The following DIS3L2 variants were observed in gnomAD, a reference collection of about 807,000 sequenced individuals.
The protein encoded by DIS3L2 is DIS3-like exonuclease 2.
DIS3L2 carries 34 observed loss-of-function variants against 97.5 expected under a neutral mutation model. The ratio of observed to expected loss-of-function variants is 0.35; its 90% confidence interval spans 0.27 to 0.46. DIS3L2 has a LOEUF of 0.46. Ranked by LOEUF, DIS3L2 falls within the 20% of genes least tolerant of loss-of-function variation. DIS3L2 has a pLI of 1.00. For synonymous variants in DIS3L2, 435 were observed against 445.2 expected (o/e 0.98, Z 0.29); for missense variants, 1,038 against 1,146.0 (o/e 0.91, Z 1.36).
chr2:232,000,649 T>TTTCCTTTCCTTTCCG (rs1228787277), intron 1 of DIS3L2, among the ~76,000 whole-genome samples: 1 of 143,164 alleles, frequency 7.0e-6, no homozygotes, highest in East Asian at 2.1e-4. Flanking sequence ...TTTCCTTTCC[T>TTTCCTTTCCTTTCCG]TTCCTTTCCT....
intron 5 of DIS3L2, among the ~76,000 whole-genome samples, chr2:232,052,638 T>G (rs1487064045): frequency 6.6e-6 from 1 of 152,230 alleles, no homozygotes; most frequent in Non-Finnish European, 1.5e-5. Context: ...GCTTACATTT[T>G]CTTTTTATAC....
At chr2:232,147,806 A>C (rs927001396) in intron 8 of DIS3L2, among the ~76,000 whole-genome samples, 7 of 152,232 alleles carry the variant, frequency 4.6e-5, no homozygotes, top group Admixed American at 2.0e-4. Context: ...TGCAAGACAA[A>C]TACACAATGT....
chr2:232,159,104 A>C (rs1690578861), intron 8 of DIS3L2, among the ~76,000 whole-genome samples: 1 of 152,200 alleles, frequency 6.6e-6, no homozygotes, highest in Non-Finnish European at 1.5e-5. Context: ...GGTTACAAGC[A>C]AGAAAAACCA....
chr2:232,144,541 G>A (rs1690161339), intron 8 of DIS3L2, among the ~76,000 whole-genome samples: 1 of 152,008 alleles, frequency 6.6e-6, no homozygotes, highest in Non-Finnish European at 1.5e-5. Flanking sequence ...GGAACAGAGA[G>A]TTCCTGTATA....
At chr2:232,198,260 T>A (rs946798390) in intron 9 of DIS3L2, among the ~76,000 whole-genome samples, 4 of 152,202 alleles carry the variant, frequency 2.6e-5, no homozygotes, top group Non-Finnish European at 5.9e-5. Flanking sequence ...GTGTTTTTAA[T>A]GAGAATAAGA....
chr2:232,057,374 A>G (rs1262135738), intron 5 of DIS3L2, among the ~76,000 whole-genome samples: 1 of 152,132 alleles, frequency 6.6e-6, no homozygotes, highest in Non-Finnish European at 1.5e-5. Flanking sequence ...TATCCTTCCT[A>G]TGAGCAAGTC....
rs116417869 is a variant in DIS3L2 at position 232,110,095 on chromosome 2, A to C, written c.602-20524A>C. Among the ~76,000 whole-genome samples the C allele has an allele frequency of 9.7e-3, 1,482 of 152,284 alleles. 12 individuals are homozygous for C. Among genetic ancestry groups the C allele is most frequent in the Non-Finnish European group, 0.015 (1,024 of 68,030 alleles). On this transcript the variant is annotated intron_variant, in intron 6 of 20. Transcript: ENST00000325385. Reference sequence around the variant, plus strand: ...GACATGCATGTGGCCAACATTTGTAAAAAAAAGCTCAACATCATTAATCAT... The same window carrying C: ...GACATGCATGTGGCCAACATTTGTACAAAAAAGCTCAACATCATTAATCAT...
chr2:232,275,951 A>G (rs1694129609), intron 13 of DIS3L2, among the ~76,000 whole-genome samples: 1 of 152,176 alleles, frequency 6.6e-6, no homozygotes, highest in Non-Finnish European at 1.5e-5. Context: ...GTCAGTTAGA[A>G]ATGTGGGAAC....
chr2:232,013,730 C>A (rs1007711677), intron 1 of DIS3L2, among the ~76,000 whole-genome samples: 1 of 152,124 alleles, frequency 6.6e-6, no homozygotes, highest in African/African-American at 2.4e-5. Flanking sequence ...TGTATTAAGC[C>A]CTCAGACAGT....
At chr2:232,038,462 C>T (rs541553992) in intron 5 of DIS3L2, among the ~76,000 whole-genome samples, 21 of 152,280 alleles carry the variant, frequency 1.4e-4, no homozygotes, top group African/African-American at 4.6e-4. Context: ...GGAAAGCATA[C>T]AGTAGAGCAC....
At chr2:232,175,076 G>A (rs533307398) in intron 9 of DIS3L2, among the ~76,000 whole-genome samples, 10 of 151,952 alleles carry the variant, frequency 6.6e-5, no homozygotes, top group Non-Finnish European at 1.2e-4. Context: ...TGATCTGCCC[G>A]CCCCGGCCTC....
intron 5 of DIS3L2, among the ~76,000 whole-genome samples, chr2:232,066,713 G>C (rs1695865128): frequency 6.6e-6 from 1 of 151,938 alleles, no homozygotes; most frequent in African/African-American, 2.4e-5. Flanking sequence ...CTTTTCTAGT[G>C]GGTTTTTAAT....
intron 20 of DIS3L2, 97 bp downstream of exon 20, chr2:232,335,971 C>T (rs1695930756): frequency 1.3e-6 from 2 of 1,537,574 alleles, no homozygotes; most frequent in Non-Finnish European, 1.8e-6. Context: ...CCCCTGGGCT[C>T]CCCCAGCACT....
intron 13 of DIS3L2, among the ~76,000 whole-genome samples, chr2:232,266,036 C>T (rs1574981786): frequency 6.6e-6 from 1 of 152,188 alleles, no homozygotes; most frequent in African/African-American, 2.4e-5. Flanking sequence ...CCAATGGCTG[C>T]TGAAGCACAT....
At chr2:231,996,390 C>T (rs1559525723) in intron 1 of DIS3L2, among the ~76,000 whole-genome samples, 1 of 152,068 alleles carries the variant, frequency 6.6e-6, no homozygotes, top group Non-Finnish European at 1.5e-5. Flanking sequence ...GTCCTTAAAG[C>T]TTTTGTTTAT....
intron 9 of DIS3L2, among the ~76,000 whole-genome samples, chr2:232,203,784 G>A (rs1691959282): frequency 6.6e-6 from 1 of 152,146 alleles, no homozygotes; most frequent in African/African-American, 2.4e-5. Flanking sequence ...TCTATTCTTT[G>A]GGGCTGTGAG....
intron 8 of DIS3L2, among the ~76,000 whole-genome samples, chr2:232,158,136 G>A (rs1217067342): frequency 6.6e-6 from 1 of 152,154 alleles, no homozygotes; most frequent in Non-Finnish European, 1.5e-5. Context: ...ACGGACATAG[G>A]GCTTGAAGTT....
At chr2:232,136,775 G>A (rs1471889814) in intron 8 of DIS3L2, 56 bp downstream of exon 8, 1 of 1,568,602 alleles carries the variant, frequency 6.4e-7, no homozygotes, top group Admixed American at 1.9e-5. Flanking sequence ...CAGTTTAGGT[G>A]GTCTTTAGGT....
rs200212211 is a variant in DIS3L2, at chr2:232,330,717, G to A, written c.1951G>A (p.Asp651Asn). Reference protein sequence around the residue: ...NKSLTQTFGDDKYSLARKEVL... With the variant: ...NKSLTQTFGDNKYSLARKEVL... ...AAGCCTGACCCAAACATTTGGAGAT[G>A]ACAAGTACTCACTGGCCCGCAAGGA... Residue 651 changes from aspartate to asparagine, a missense_variant, in exon 16 of 21, where the codon GAC becomes AAC. By Grantham distance (23) the Asp-to-Asn change is conservative (BLOSUM62 1). Around this residue, in one of 3 missense-constraint regions of DIS3L2, gnomAD observed 813 missense variants for 880.1 expected, o/e 0.92. Coordinates refer to ENST00000325385, the MANE Select transcript of DIS3L2 (RefSeq NM_152383.5). 1 of 1,613,930 alleles carries A rather than the reference G, an allele frequency of 6.2e-7. No individual in the cohort carries two copies. The highest frequency in any genetic ancestry group is 8.5e-7 in the Non-Finnish European group (1 of 1,180,026).
Sources: allele counts gnomAD v4.1 joint callset (sites outside exome capture counted in the v4.1 genomes callset), GRCh38; gene constraint gnomAD v4.1.1; regional missense constraint gnomAD v4.1.1; transcripts MANE v1.5; gene names NCBI Gene and HGNC (gene_info 2026-07-23, HGNC 2026-07-21).